ELAVL3: variants seen among roughly 807,000 people sequenced by gnomAD.
The protein encoded by ELAVL3 is ELAV-like protein 3.
In ELAVL3, 8 loss-of-function variants were observed where a neutral mutation model predicts 34.2. The observed-to-expected ratio is 0.23, with a 90% CI of 0.14 to 0.42. ELAVL3 has a LOEUF of 0.42. Among genes scored for constraint, ELAVL3 ranks in the 10% least tolerant of loss-of-function variants. The pLI is 1.00. For missense variants in ELAVL3, 273 were observed against 518.8 expected, an observed-to-expected ratio of 0.53 and a Z score of 4.60; for synonymous variants, 209 against 222.1, an observed-to-expected ratio of 0.94 and a Z score of 0.53.
intron 3 of ELAVL3, among the ~76,000 whole-genome samples, chr19:11,463,838 G>A (rs1269463934): frequency 6.6e-6 from 1 of 151,578 alleles, no homozygotes; most frequent in South Asian, 2.1e-4. Context: ...GTGTGGTGGC[G>A]GGTGCCTGTA....
In ELAVL3 at chr19:11,466,947, G is replaced by A. The variant is rs895364344; in HGVS notation, c.10-120C>T. 1 of 736,568 alleles carries A rather than the reference G, an allele frequency of 1.4e-6. No individual in the cohort carries two copies. The highest frequency in any genetic ancestry group is 1.8e-5 in the African/African-American group (1 of 56,382). The allele number at this position is 736,568 out of a possible 1,614,324, so 45.6% of individuals were successfully genotyped here. ...TATAGGGGCTTCGTCATGGGGAGGG[G>A]TCACTTTATTATTCTAATGATGGGA... On this transcript the variant is annotated intron_variant, in intron 1 of 6. Coordinates refer to ENST00000359227, the MANE Select transcript of ELAVL3 (RefSeq NM_001420.4). This position sits in a 1 kb window ranked among gnomAD's most constrained non-coding sequence, Gnocchi z 5.0.
chr19:11,457,926 C>A (rs930694436), intron 5 of ELAVL3, 135 bp downstream of exon 5: 71 of 911,038 alleles, frequency 7.8e-5, no homozygotes, highest in Non-Finnish European at 6.6e-6. Context: ...GCCTTGGCAC[C>A]TGACAGATAG....
In ELAVL3 at chr19:11,452,337, T is replaced by C. The variant is rs1460549865; in HGVS notation, c.*2189A>G. On this transcript the variant is annotated 3_prime_UTR_variant, in exon 7 of 7. Coordinates refer to ENST00000359227, the MANE Select transcript of ELAVL3 (RefSeq NM_001420.4). ...TCGTTCCTTTAACTTGCAAACCGGA[T>C]GAAGTAACAGAAATATACACGGATG... 1.3e-5 allele frequency: 2 copies of C among 152,134 alleles called. No homozygotes were observed. The highest frequency in any genetic ancestry group is 2.9e-5 in the Non-Finnish European group (2 of 68,030). 9.4% of individuals were successfully genotyped at this position (152,134 alleles called of 1,614,324 possible). A position where few individuals can be genotyped will look rare whatever the true frequency, so the allele number is the denominator to read the frequency against.
chr19:11,464,884 TACACACACC>T (rs200246564), intron 3 of ELAVL3, among the ~76,000 whole-genome samples: 46,835 of 89,054 alleles, frequency 0.53, 10,224 homozygotes, highest in East Asian at 0.61. Flanking sequence ...CATACACACA[TACACACACC>T]ACACACACCA....
intron 1 of ELAVL3, among the ~76,000 whole-genome samples, chr19:11,478,186 G>C (rs763415601): frequency 1.8e-4 from 28 of 152,132 alleles, no homozygotes; most frequent in Non-Finnish European, 3.8e-4. Context: ...GATGACCCTA[G>C]AGCCGAAAGA....
intron 1 of ELAVL3, among the ~76,000 whole-genome samples, chr19:11,473,295 A>G (rs664477): frequency 0.3 from 45,178 of 149,014 alleles, 11,315 homozygotes; most frequent in African/African-American, 0.69. Flanking sequence ...AACCCAGGAG[A>G]CGGAGCTTGC....
chr19:11,480,349 A>C lies in ELAVL3; in HGVS notation c.9+251T>G, dbSNP rs781680960. The C allele has an allele frequency of 2.5e-6, 1 of 402,744 alleles. No individual in the cohort carries two copies. Among genetic ancestry groups the C allele is most frequent in the Non-Finnish European group, 4.4e-6 (1 of 228,882 alleles). The allele number at this position is 402,744 out of a possible 1,614,324, so 24.9% of individuals were successfully genotyped here. On this transcript the variant is annotated intron_variant, in intron 1 of 6. Coordinates refer to ENST00000359227, the MANE Select transcript of ELAVL3 (RefSeq NM_001420.4). This position sits in a 1 kb window ranked among gnomAD's most constrained non-coding sequence, Gnocchi z 6.8. Reference sequence around the variant, plus strand: ...CTGGAGAGGGGGCAATCCCGCCTCCAGGGCGGCGTCGGACGCCTCCCGAAT... The same window carrying C: ...CTGGAGAGGGGGCAATCCCGCCTCCCGGGCGGCGTCGGACGCCTCCCGAAT...
rs929038947 is a variant in ELAVL3, at chr19:11,466,889, G to T, written c.10-62C>A. The T allele has an allele frequency of 2.1e-5, 30 of 1,429,088 alleles. No individual in the cohort carries two copies. The highest frequency in any genetic ancestry group is 2.8e-5 in the Non-Finnish European group (29 of 1,041,834). 88.5% of individuals were successfully genotyped at this position (1,429,088 alleles called of 1,614,324 possible). On this transcript the variant is annotated intron_variant, in intron 1 of 6. Transcript: ENST00000359227. The surrounding 1 kb of genome is among the most constrained non-coding windows in gnomAD (Gnocchi z 5.0). The stretch of plus-strand genomic sequence containing the variant: ...CCCCACACCAGGGGCCTGCGGCAAT[G>T]AGTGGCTTGGTGGTGATGAATTAGC...
At chr19:11,477,491 C>T (rs1012858829) in intron 1 of ELAVL3, among the ~76,000 whole-genome samples, 3 of 151,948 alleles carry the variant, frequency 2.0e-5, no homozygotes, top group East Asian at 1.9e-4. Context: ...GCCCAGGCTG[C>T]GATCCTCCTG....
intron 3 of ELAVL3, among the ~76,000 whole-genome samples, chr19:11,464,229 A>G (rs1970963213): frequency 7.2e-5 from 1 of 13,814 alleles, no homozygotes; most frequent in Non-Finnish European, 1.3e-4. Flanking sequence ...GTGGTGAAAC[A>G]TGACTCACTG....
chr19:11,467,096 T>C (rs749319524), intron 1 of ELAVL3, among the ~76,000 whole-genome samples: 5 of 152,174 alleles, frequency 3.3e-5, no homozygotes, highest in Non-Finnish European at 5.9e-5. Context: ...AATCAACCTG[T>C]GCATTTACAA....
intron 3 of ELAVL3, among the ~76,000 whole-genome samples, chr19:11,465,301 C>CATGCAT (rs1568383027): frequency 6.9e-6 from 1 of 145,854 alleles, no homozygotes; most frequent in African/African-American, 2.6e-5. Context: ...ACCACACACA[C>CATGCAT]ACACACCACA....
chr19:11,457,242 G>T, intron 5 of ELAVL3, 94 bp from the exon 6 acceptor site: 1 of 1,306,244 alleles, frequency 7.7e-7, no homozygotes, highest in Non-Finnish European at 1.0e-6. Context: ...CACCCAACAG[G>T]CCTGCAGCAG....
intron 1 of ELAVL3, among the ~76,000 whole-genome samples, chr19:11,474,192 C>T (rs920905717): frequency 2.6e-5 from 4 of 152,026 alleles, no homozygotes; most frequent in African/African-American, 9.7e-5. Context: ...GCCACCATGC[C>T]TGGCTAATTT....
chr19:11,461,378 TG>T (rs1970880492), intron 3 of ELAVL3, among the ~76,000 whole-genome samples: 1 of 152,110 alleles, frequency 6.6e-6, no homozygotes, highest in Non-Finnish European at 1.5e-5. Flanking sequence ...GTGGGTGACC[TG>T]TCACCAGGGA....
chr19:11,469,268 A>G (rs1320012300), intron 1 of ELAVL3, among the ~76,000 whole-genome samples: 1 of 151,456 alleles, frequency 6.6e-6, no homozygotes. Flanking sequence ...GAATTACGTT[A>G]ATTGATTTTC....
intron 1 of ELAVL3, among the ~76,000 whole-genome samples, chr19:11,469,167 A>G (rs979782503): frequency 6.6e-6 from 1 of 152,110 alleles, no homozygotes; most frequent in African/African-American, 2.4e-5. Flanking sequence ...GGCTCAAGCA[A>G]TCCTCCTGCT....
At chr19:11,469,560 G>A (rs1026850642) in intron 1 of ELAVL3, among the ~76,000 whole-genome samples, 3 of 152,164 alleles carry the variant, frequency 2.0e-5, no homozygotes, top group South Asian at 4.1e-4. Context: ...GATTACAGGC[G>A]TGAGCCACCG....
rs1970661289 is a variant in ELAVL3 at position 11,452,195 on chromosome 19, G to A, written c.*2331C>T. On this transcript the variant is annotated 3_prime_UTR_variant, in exon 7 of 7. Transcript: ENST00000359227. ...GAGCACACGCCCCCGCGTGCCACTC[G>A]GCTACCATTACTGTTATTAATAATT... 1 of 152,292 alleles carries A rather than the reference G, an allele frequency of 6.6e-6. No homozygotes were observed. Among genetic ancestry groups the A allele is most frequent in the African/African-American group, 2.4e-5 (1 of 41,560 alleles). 9.4% of individuals were successfully genotyped at this position (152,292 alleles called of 1,614,324 possible).
Sources: allele counts gnomAD v4.1 joint callset (sites outside exome capture counted in the v4.1 genomes callset), GRCh38; gene constraint gnomAD v4.1.1; non-coding constraint Gnocchi (gnomAD v3.1); transcripts MANE v1.5; gene names NCBI Gene and HGNC (gene_info 2026-07-23, HGNC 2026-07-21).